The following MYO5B variants were observed in gnomAD, a reference collection of about 807,000 sequenced individuals.
MYO5B encodes myosin VB, also known as unconventional myosin-Vb.
Under a neutral mutation model 229.3 loss-of-function variants are expected in MYO5B, and 143 were observed. The observed-to-expected ratio is 0.62, with a 90% CI of 0.54 to 0.72. The LOEUF (loss-of-function observed/expected upper bound fraction) is 0.72. Ranked by LOEUF, MYO5B falls within the 30% of genes least tolerant of loss-of-function variation. MYO5B has a pLI of 0.00. For synonymous variants in MYO5B, 918 were observed against 885.2 expected (o/e 1.04, Z -0.66); for missense variants, 2,321 against 2,331.0 (o/e 1.00, Z 0.09).
At chr18:50,151,733 T>C (rs2032601811) in intron 1 of MYO5B, among the ~76,000 whole-genome samples, 1 of 152,168 alleles carries the variant, frequency 6.6e-6, no homozygotes, top group Non-Finnish European at 1.5e-5. Flanking sequence ...AGGATTGTAT[T>C]GTATCAGAGA....
At chr18:49,932,323 G>A (rs898643732) in intron 16 of MYO5B, among the ~76,000 whole-genome samples, 5 of 152,118 alleles carry the variant, frequency 3.3e-5, no homozygotes, top group Non-Finnish European at 7.4e-5. Flanking sequence ...TGGGGACATC[G>A]GTTTTCTCTT....
At chr18:50,100,872 C>T (rs781609987) in intron 1 of MYO5B, among the ~76,000 whole-genome samples, 9 of 152,192 alleles carry the variant, frequency 5.9e-5, no homozygotes, top group Non-Finnish European at 1.2e-4. Flanking sequence ...CAGCATCACC[C>T]GAAACTGCAG....
chr18:49,983,856 T>C (rs184329908), intron 8 of MYO5B, among the ~76,000 whole-genome samples: 11 of 152,318 alleles, frequency 7.2e-5, no homozygotes, highest in African/African-American at 1.4e-4. Flanking sequence ...GGTTAAGGTG[T>C]GTCCCGTTTG....
At chr18:49,989,716 T>A (rs570480285) in intron 7 of MYO5B, among the ~76,000 whole-genome samples, 1 of 152,132 alleles carries the variant, frequency 6.6e-6, no homozygotes, top group Admixed American at 6.5e-5. Flanking sequence ...TCAAAGCAAA[T>A]GAAACTTGCT....
At chr18:50,158,410 A>G (rs904260160) in intron 1 of MYO5B, among the ~76,000 whole-genome samples, 3 of 152,150 alleles carry the variant, frequency 2.0e-5, no homozygotes, top group Non-Finnish European at 4.4e-5. Context: ...TTTTATGCAG[A>G]TATCTGGACT....
At chr18:50,043,311 A>T (rs2030085510) in intron 2 of MYO5B, among the ~76,000 whole-genome samples, 1 of 98,790 alleles carries the variant, frequency 1.0e-5, no homozygotes, top group Admixed American at 1.3e-4. Context: ...TATATAATAT[A>T]AATATATAAA....
chr18:49,954,943 T>C (rs1568046109), intron 12 of MYO5B, among the ~76,000 whole-genome samples: 2 of 152,268 alleles, frequency 1.3e-5, no homozygotes, highest in African/African-American at 2.4e-5. Context: ...CTGACCACTG[T>C]TGATCTCACT....
intron 27 of MYO5B, among the ~76,000 whole-genome samples, chr18:49,869,758 G>T (rs865939435): frequency 6.6e-6 from 1 of 151,862 alleles, no homozygotes; most frequent in South Asian, 2.1e-4. Flanking sequence ...TCCCTTGCAG[G>T]GCTTGTTAAA....
chr18:49,849,047 G>T (rs970492441), intron 32 of MYO5B, among the ~76,000 whole-genome samples: 3 of 151,902 alleles, frequency 2.0e-5, no homozygotes, highest in African/African-American at 7.3e-5. Context: ...TTCCAAGCAG[G>T]GTGACATATG....
chr18:49,877,499 A>C lies in MYO5B; in HGVS notation c.3396+264T>G, dbSNP rs17800471. Among the ~76,000 whole-genome samples the C allele has an allele frequency of 0.13, 18,793 of 149,744 alleles. 1,403 individuals carry two copies. Among genetic ancestry groups the C allele is most frequent in the East Asian group, 0.29 (1,485 of 5,082 alleles). The stretch of plus-strand genomic sequence containing the variant: ...TGCATCAGCTTCTTGGTTTTTCAAG[A>C]GGAATCAGAGATCCACCTTCTTCTT... On this transcript the variant is annotated intron_variant, in intron 25 of 39. Transcript: ENST00000285039.
At chr18:49,944,321 T>C (rs925341491) in intron 14 of MYO5B, among the ~76,000 whole-genome samples, 2 of 151,916 alleles carry the variant, frequency 1.3e-5, no homozygotes, top group Non-Finnish European at 2.9e-5. Context: ...CAAGCAACAA[T>C]GCACCACAGA....
In MYO5B at chr18:50,109,398, C is replaced by T. The variant is rs566952501; in HGVS notation, c.28-54020G>A. Among the ~76,000 whole-genome samples the T allele has an allele frequency of 2.6e-5, 4 of 151,858 alleles. No homozygotes were observed. The South Asian group carries it at 8.3e-4, about 32-fold the overall frequency. ...TCTGTCACCAACTTGTCAATCTTAT[C>T]ACAACTGGTCCGCTGGTCATGATTT... On this transcript the variant is annotated intron_variant, in intron 1 of 39. Transcript: ENST00000285039.
chr18:50,175,121 C>T (rs2032976973), intron 1 of MYO5B, among the ~76,000 whole-genome samples: 1 of 152,236 alleles, frequency 6.6e-6, no homozygotes, highest in Admixed American at 6.5e-5. Flanking sequence ...TGATCCATGT[C>T]CCCTCAGTAG....
intron 12 of MYO5B, among the ~76,000 whole-genome samples, chr18:49,958,244 G>A (rs1280539692): frequency 6.6e-6 from 1 of 152,132 alleles, no homozygotes; most frequent in African/African-American, 2.4e-5. Context: ...CACTTCTATG[G>A]ATTAAGACAC....
At chr18:49,846,674 GTC>G (rs1460835128) in intron 33 of MYO5B, among the ~76,000 whole-genome samples, 3 of 152,174 alleles carry the variant, frequency 2.0e-5, no homozygotes, top group East Asian at 1.9e-4. Context: ...ACTAGAGTGA[GTC>G]TCTGTTTCCT....
At chr18:49,924,123 T>C (rs968535735) in intron 17 of MYO5B, among the ~76,000 whole-genome samples, 1 of 152,128 alleles carries the variant, frequency 6.6e-6, no homozygotes, top group African/African-American at 2.4e-5. Flanking sequence ...CTTGAAGAGG[T>C]CTGGGAATTT....
chr18:50,058,548 C>T (rs868103189), intron 1 of MYO5B, among the ~76,000 whole-genome samples: 18 of 151,966 alleles, frequency 1.2e-4, no homozygotes, highest in Admixed American at 8.5e-4. Flanking sequence ...CAGTGGCTCA[C>T]ACCTGTAATC....
chr18:49,905,400 C>T (rs2024888209), intron 19 of MYO5B, among the ~76,000 whole-genome samples: 1 of 152,178 alleles, frequency 6.6e-6, no homozygotes, highest in African/African-American at 2.4e-5. Context: ...TTTCTGCCTT[C>T]CCATCTCACC....
At chr18:50,037,114 C>G (rs2026457036) in intron 3 of MYO5B, 120 bp from the exon 4 acceptor site, 4 of 1,035,724 alleles carry the variant, frequency 3.9e-6, no homozygotes, top group Non-Finnish European at 5.9e-6. Flanking sequence ...GCAGCAGAAC[C>G]AGTCTTAACC....
Sources: allele counts gnomAD v4.1 joint callset (sites outside exome capture counted in the v4.1 genomes callset), GRCh38; gene constraint gnomAD v4.1.1; transcripts MANE v1.5; gene names NCBI Gene and HGNC (gene_info 2026-07-23, HGNC 2026-07-21).